The following TRAK1 variants were observed in gnomAD, a reference collection of about 807,000 sequenced individuals.
TRAK1 encodes trafficking kinesin-binding protein 1.
TRAK1 carries 33 observed loss-of-function variants against 92.1 expected under a neutral mutation model. The observed-to-expected ratio is 0.36, with a 90% CI of 0.27 to 0.48. TRAK1 has a LOEUF of 0.48. Among genes scored for constraint, TRAK1 ranks in the 20% least tolerant of loss-of-function variants. The pLI, the probability that TRAK1 is intolerant of heterozygous loss-of-function variation, is 0.99. For synonymous variants in TRAK1, 521 were observed against 517.3 expected (o/e 1.01, Z -0.10); for missense variants, 1,123 against 1,257.9 (o/e 0.89, Z 1.62).
rs1212039666 is a variant in TRAK1 at position 42,201,868 on chromosome 3, ACG to A, written c.1428-567_1428-566del. ...CTGCAGAACCTGGACGGACGGACGG[ACG>A]GACGGACAGACGGACACACACACAC... On this transcript the variant is annotated intron_variant, in intron 12 of 15. Coordinates refer to ENST00000327628, the MANE Select transcript of TRAK1 (RefSeq NM_001042646.3). Among the ~76,000 whole-genome samples, 18 of 136,756 alleles carry A rather than the reference ACG, an allele frequency of 1.3e-4. No homozygotes were observed. In the East Asian group the frequency reaches 3.3e-3, roughly 25 times the overall value. The allele number at this position is 136,756 out of a possible 152,430, so 89.7% of individuals were successfully genotyped here. A position where few individuals can be genotyped will look rare whatever the true frequency, so the allele number is the denominator to read the frequency against.
intron 1 of TRAK1, among the ~76,000 whole-genome samples, chr3:42,073,896 C>T (rs912385139): frequency 1.3e-5 from 2 of 152,140 alleles, no homozygotes; most frequent in African/African-American, 2.4e-5. Context: ...AACTTGACCC[C>T]GGAGTTCAGA....
Position 42,224,326 on chromosome 3 carries a change from C to A in TRAK1, c.*589C>A, listed in dbSNP as rs182119823. The A allele has an allele frequency of 1.0e-3, 301 of 287,450 alleles. 2 individuals carry two copies. The highest frequency in any genetic ancestry group is 3.0e-3 in the Admixed American group (54 of 18,224). The allele number at this position is 287,450 out of a possible 1,614,324, so 17.8% of individuals were successfully genotyped here. ...TCACTGCTCTGCCTCAGTGGACAGTCGTTTCTTTTTTGAGGTGTGACCTTT... is the reference window on the plus strand; with the variant it reads ...TCACTGCTCTGCCTCAGTGGACAGTAGTTTCTTTTTTGAGGTGTGACCTTT... On this transcript the variant is annotated 3_prime_UTR_variant, in exon 16 of 16. Coordinates refer to ENST00000327628, the MANE Select transcript of TRAK1 (RefSeq NM_001042646.3).
chr3:42,034,733 T>A (rs1255536077), intron 1 of TRAK1, among the ~76,000 whole-genome samples: 3 of 152,144 alleles, frequency 2.0e-5, no homozygotes, highest in Non-Finnish European at 4.4e-5. Context: ...AGCCACCAGG[T>A]GTGGTGCCTC....
At chr3:42,072,579 T>G (rs1290052182) in intron 1 of TRAK1, among the ~76,000 whole-genome samples, 1 of 151,362 alleles carries the variant, frequency 6.6e-6, no homozygotes, top group African/African-American at 2.4e-5. Context: ...TCTCTTTTTC[T>G]TCCTCATTTT....
intron 2 of TRAK1, among the ~76,000 whole-genome samples, chr3:42,149,027 C>T (rs940867085): frequency 2.6e-5 from 4 of 152,122 alleles, no homozygotes; most frequent in African/African-American, 9.7e-5. Flanking sequence ...CCCTGCCTGG[C>T]ATCTCTCAGC....
At chr3:42,146,941 T>G (rs1023366868) in intron 2 of TRAK1, among the ~76,000 whole-genome samples, 1 of 152,208 alleles carries the variant, frequency 6.6e-6, no homozygotes, top group Non-Finnish European at 1.5e-5. Context: ...CATTGCTGAT[T>G]TTTTAGGAGT....
chr3:42,039,368 T>A (rs1376451121), intron 1 of TRAK1, among the ~76,000 whole-genome samples: 4 of 152,316 alleles, frequency 2.6e-5, no homozygotes, highest in Non-Finnish European at 5.9e-5. Flanking sequence ...CCACTTATTA[T>A]TTATTTATTT....
At chr3:42,182,574 G>A (rs965204307) in intron 3 of TRAK1, among the ~76,000 whole-genome samples, 1 of 152,166 alleles carries the variant, frequency 6.6e-6, no homozygotes, top group African/African-American at 2.4e-5. Context: ...ACTGTGCCTG[G>A]CCTATTTACA....
At chr3:42,165,889 A>G (rs1701801789) in intron 2 of TRAK1, among the ~76,000 whole-genome samples, 1 of 152,006 alleles carries the variant, frequency 6.6e-6, no homozygotes, top group Non-Finnish European at 1.5e-5. Context: ...ATAGTGGGGT[A>G]CCAGCATCAC....
At chr3:42,054,819 A>C (rs1202819735) in intron 1 of TRAK1, among the ~76,000 whole-genome samples, 1 of 150,726 alleles carries the variant, frequency 6.6e-6, no homozygotes, top group Non-Finnish European at 1.5e-5. Context: ...TTATCTCTGA[A>C]CTTTTGTTAA....
At chr3:42,059,285 G>A (rs572182707) in intron 1 of TRAK1, among the ~76,000 whole-genome samples, 4 of 152,026 alleles carry the variant, frequency 2.6e-5, no homozygotes, top group Non-Finnish European at 4.4e-5. Context: ...TATTAGAGAC[G>A]AGGCCTCTTT....
At chr3:42,172,482 C>T (rs1340607910) in intron 2 of TRAK1, among the ~76,000 whole-genome samples, 1 of 152,210 alleles carries the variant, frequency 6.6e-6, no homozygotes, top group Non-Finnish European at 1.5e-5. Flanking sequence ...AGCCTCAATG[C>T]TTGTCAATCT....
intron 2 of TRAK1, among the ~76,000 whole-genome samples, chr3:42,143,985 A>G (rs1013360878): frequency 4.6e-5 from 7 of 152,094 alleles, no homozygotes; most frequent in East Asian, 1.9e-4. Context: ...TTATTTATAC[A>G]TTGTTTTGTT....
At chr3:42,193,961 C>G in intron 9 of TRAK1, 63 bp downstream of exon 9, 3 of 1,472,542 alleles carry the variant, frequency 2.0e-6, no homozygotes, top group Non-Finnish European at 2.8e-6. Context: ...TTAGCCTTCC[C>G]GGACAGCTTT....
intron 2 of TRAK1, among the ~76,000 whole-genome samples, chr3:42,149,793 A>C (rs1699752406): frequency 5.9e-5 from 9 of 152,138 alleles, no homozygotes; most frequent in Admixed American, 5.9e-4. Flanking sequence ...TTTACCGTGA[A>C]AGACTCCTGC....
chr3:42,160,249 G>A (rs1014852198), intron 2 of TRAK1: 19 of 1,529,932 alleles, frequency 1.2e-5, no homozygotes, highest in East Asian at 4.6e-5. Flanking sequence ...AGGCCAGGGC[G>A]CAGTGTGTGC....
chr3:42,093,711 C>CT (rs565712104), intron 1 of TRAK1, among the ~76,000 whole-genome samples: 726 of 48,244 alleles, frequency 0.015, 35 homozygotes, highest in African/African-American at 0.04. Context: ...CCTCCCCTTC[C>CT]TTTTTTTTTT....
rs754684185 is a variant in TRAK1, at chr3:42,224,017, C to G, written c.*280C>G. 2 of 605,032 alleles carry G rather than the reference C, an allele frequency of 3.3e-6. No individual in the cohort carries two copies. Among genetic ancestry groups the G allele is most frequent in the South Asian group, 1.5e-5 (1 of 65,792 alleles). 37.5% of individuals were successfully genotyped at this position (605,032 alleles called of 1,614,324 possible). On this transcript the variant is annotated 3_prime_UTR_variant, in exon 16 of 16. Coordinates refer to ENST00000327628, the MANE Select transcript of TRAK1 (RefSeq NM_001042646.3). ...CACTCTCACGAGGACGTCACCTGTG[C>G]TAACCTGGGGGAAGGTGGGGTCCTT... is the stretch of plus-strand genomic sequence containing the variant.
intron 2 of TRAK1, among the ~76,000 whole-genome samples, chr3:42,157,457 C>CAAAAAA (rs60622565): frequency 0.083 from 2,567 of 31,048 alleles, 806 homozygotes; most frequent in Admixed American, 0.098. Context: ...GACCCTGTCT[C>CAAAAAA]AAAAAAAAAA....
Sources: allele counts gnomAD v4.1 joint callset (sites outside exome capture counted in the v4.1 genomes callset), GRCh38; gene constraint gnomAD v4.1.1; transcripts MANE v1.5; gene names NCBI Gene and HGNC (gene_info 2026-07-23, HGNC 2026-07-21).